The following EFHB variants were observed in gnomAD, a reference collection of about 807,000 sequenced individuals.
EFHB encodes the protein EF-hand domain family member B.
Under a neutral mutation model 87.2 loss-of-function variants are expected in EFHB, and 91 were observed. The observed-to-expected ratio is 1.04, with a 90% CI of 0.88 to 1.24. The LOEUF (loss-of-function observed/expected upper bound fraction) is 1.24. Ranked by LOEUF, EFHB falls within the 50% of genes most tolerant of loss-of-function variation. The pLI is 0.00. For synonymous variants in EFHB, 325 were observed against 333.6 expected (o/e 0.97, Z 0.28); for missense variants, 1,084 against 998.8 (o/e 1.09, Z -1.15).
rs569843912 is a variant in EFHB at position 19,881,994 on chromosome 3, G to A, written c.2328+556C>T. On this transcript the variant is annotated intron_variant, in intron 12 of 12. Transcript: ENST00000295824. The stretch of plus-strand genomic sequence containing the variant: ...CTAGGAAGAGGAACATCTCAGATGT[G>A]GGCATCATGTTTTCTGAGTCAAAAA... Among the ~76,000 whole-genome samples, 4 of 149,982 alleles carry A rather than the reference G, an allele frequency of 2.7e-5. No homozygotes were observed. The East Asian group carries it at 7.8e-4, about 29-fold the overall frequency.
chr3:19,918,071 T>G (rs1014110873), intron 4 of EFHB, among the ~76,000 whole-genome samples, 161 bp downstream of exon 4: 1 of 152,216 alleles, frequency 6.6e-6, no homozygotes, highest in Non-Finnish European at 1.5e-5. Context: ...CGTCAAGGAT[T>G]TTGGTTCTGA....
chr3:19,921,791 G>A (rs56099531), intron 1 of EFHB, among the ~76,000 whole-genome samples: 26,905 of 144,182 alleles, frequency 0.19, 2,916 homozygotes, highest in Non-Finnish European at 0.25. Context: ...TAATTCAGTT[G>A]TAAGTTATAA....
chr3:19,920,654 C>T (rs1314759477), intron 1 of EFHB, 87 bp from the exon 2 acceptor site: 9 of 1,030,142 alleles, frequency 8.7e-6, no homozygotes, highest in Non-Finnish European at 1.3e-5. Flanking sequence ...TTGTCCTATG[C>T]CTCTGAGGCT....
chr3:19,919,341 C>T (rs566444368), intron 3 of EFHB, among the ~76,000 whole-genome samples: 10 of 151,566 alleles, frequency 6.6e-5, no homozygotes, highest in East Asian at 3.9e-4. Flanking sequence ...GGATTACAGG[C>T]GCCTGCTACC....
intron 12 of EFHB, 24 bp from the exon 13 acceptor site, chr3:19,879,828 A>G: frequency 6.5e-7 from 1 of 1,546,018 alleles, no homozygotes; most frequent in Non-Finnish European, 8.7e-7. Flanking sequence ...TTTAAAATAG[A>G]CCATGATTTA....
chr3:19,901,548 C>T (rs1475484288), intron 6 of EFHB, among the ~76,000 whole-genome samples: 1 of 152,138 alleles, frequency 6.6e-6, no homozygotes. Flanking sequence ...CATCTCGTTT[C>T]TTCATTTCCT....
chr3:19,896,578 G>T (rs748203320), intron 9 of EFHB, 109 bp downstream of exon 9: 3 of 1,403,984 alleles, frequency 2.1e-6, no homozygotes, highest in Admixed American at 1.7e-5. Flanking sequence ...CAAACAAACA[G>T]TGGGCTGGAT....
intron 5 of EFHB, among the ~76,000 whole-genome samples, chr3:19,908,598 G>GAA (rs59547593): frequency 0.023 from 1,772 of 77,536 alleles, 44 homozygotes; most frequent in East Asian, 0.12. Context: ...GAGAGAGAGA[G>GAA]AGAAAGAAAG....
chr3:19,881,499 C>G (rs1259153629), intron 12 of EFHB, among the ~76,000 whole-genome samples: 1 of 152,112 alleles, frequency 6.6e-6, no homozygotes, highest in Non-Finnish European at 1.5e-5. Flanking sequence ...ATTTCTGTTT[C>G]TTTTGGAAAC....
chr3:19,883,141 C>T (rs1272724573), intron 11 of EFHB, among the ~76,000 whole-genome samples: 2 of 151,968 alleles, frequency 1.3e-5, no homozygotes, highest in East Asian at 3.9e-4. Context: ...GCTGAGACTA[C>T]AGGCGTTTGC....
intron 1 of EFHB, among the ~76,000 whole-genome samples, chr3:19,921,667 T>C (rs956944617): frequency 5.3e-5 from 8 of 152,032 alleles, no homozygotes; most frequent in Admixed American, 2.6e-4. Context: ...ACCCACACAA[T>C]TACATTGTGT....
rs1181588215 is a variant in EFHB, at chr3:19,918,390, T to C, written c.1019A>G (p.Gln340Arg). The stretch of plus-strand genomic sequence containing the variant: ...TTTCTGTTGAAATGTGGTAATAGGC[T>C]GTGGGTTTATCAATGTGTTTGCCTA... Reference protein sequence around the residue: ...SVLANTLINPQPITTFQQKIK... With the variant: ...SVLANTLINPRPITTFQQKIK... Residue 340 changes from glutamine (Q) to arginine (R), a missense_variant, in exon 4 of 13, where the codon CAG becomes CGG. Coordinates refer to ENST00000295824, the MANE Select transcript of EFHB (RefSeq NM_144715.4). The C allele has an allele frequency of 1.9e-6, 3 of 1,602,614 alleles. No individual in the cohort carries two copies. Among genetic ancestry groups the C allele is most frequent in the Non-Finnish European group, 2.5e-6 (3 of 1,176,710 alleles).
intron 6 of EFHB, 145 bp from the exon 7 acceptor site, chr3:19,899,660 A>C: frequency 2.1e-6 from 1 of 484,072 alleles, no homozygotes; most frequent in Non-Finnish European, 3.5e-6. Context: ...CTAAAAAGAA[A>C]GTTTTATGTG....
intron 5 of EFHB, among the ~76,000 whole-genome samples, chr3:19,908,642 A>T (rs28712674): frequency 1.3e-5 from 2 of 149,414 alleles, no homozygotes. Flanking sequence ...GAAAGAAAGA[A>T]AGAAAGAAAG....
chr3:19,936,872 ATAAT>A (rs1426308683), upstream of EFHB, among the ~76,000 whole-genome samples: 2 of 116,320 alleles, frequency 1.7e-5, no homozygotes, highest in Non-Finnish European at 3.6e-5. Context: ...CCATCTCAAA[ATAAT>A]AAATAAATAA....
At chr3:19,921,227 G>C (rs532253540) in intron 1 of EFHB, among the ~76,000 whole-genome samples, 1 of 152,184 alleles carries the variant, frequency 6.6e-6, no homozygotes, top group African/African-American at 2.4e-5. Context: ...GTGAACATAT[G>C]AATGAATACA....
At chr3:19,919,404 G>A (rs1001814675) in intron 3 of EFHB, among the ~76,000 whole-genome samples, 12 of 145,694 alleles carry the variant, frequency 8.2e-5, no homozygotes, top group African/African-American at 2.6e-4. Context: ...ACAGGATTTC[G>A]CCATGTTGGC....
In EFHB at chr3:19,934,153, C is replaced by T; in HGVS notation, c.-135G>A. On this transcript the variant is annotated 5_prime_UTR_variant, in exon 1 of 13. Transcript: ENST00000295824. ...AAGAGCACAACCTCACTCGGACTCC[C>T]TGTCCATTGCTTCCTGCCTGCCTCT... 6.9e-7 allele frequency: 1 copy of T among 1,446,568 alleles called. No homozygotes were observed. The highest frequency in any genetic ancestry group is 9.0e-7 in the Non-Finnish European group (1 of 1,107,564). 89.6% of individuals were successfully genotyped at this position (1,446,568 alleles called of 1,614,324 possible). A position where few individuals can be genotyped will look rare whatever the true frequency, so the allele number is the denominator to read the frequency against.
chr3:19,937,279 T>C (rs1696047038), upstream of EFHB, among the ~76,000 whole-genome samples: 1 of 152,226 alleles, frequency 6.6e-6, no homozygotes, highest in South Asian at 2.1e-4. Flanking sequence ...ATTTAAGACA[T>C]TGCATTTTCC....
Sources: gnomAD v4.1 joint callset for allele counts (sites outside exome capture counted in the v4.1 genomes callset) on GRCh38, gnomAD v4.1.1 for gene constraint, MANE v1.5 for transcripts, NCBI Gene and HGNC (gene_info 2026-07-23, HGNC 2026-07-21) for gene names.